ARL15: variants seen among roughly 807,000 people sequenced by gnomAD.
ARL15 encodes ADP-ribosylation factor-like protein 15.
Under a neutral mutation model 25.2 loss-of-function variants are expected in ARL15, and 19 were observed. That is an observed-to-expected ratio of 0.75 (90% CI 0.53 to 1.10). ARL15 has a LOEUF of 1.10. ARL15 is among the 50% of genes least tolerant of loss of function. The pLI is 0.00. For missense variants in ARL15, 220 were observed against 246.0 expected (o/e 0.89, Z 0.71); for synonymous variants, 94 against 86.8 (o/e 1.08, Z -0.46).
chr5:54,071,996 G>T (rs1403262729), intron 4 of ARL15, among the ~76,000 whole-genome samples: 1 of 123,062 alleles, frequency 8.1e-6, no homozygotes, highest in Non-Finnish European at 1.8e-5. Context: ...AAAAAAAAAA[G>T]AAAAAAAAAG....
chr5:53,946,177 C>T (rs1838724), intron 4 of ARL15, among the ~76,000 whole-genome samples: 39,913 of 152,008 alleles, frequency 0.26, 5,585 homozygotes, highest in African/African-American at 0.34. Context: ...TAATAGGCTG[C>T]GCACCATCGC....
At chr5:53,943,678 T>C (rs1327970780) in intron 4 of ARL15, among the ~76,000 whole-genome samples, 1 of 152,148 alleles carries the variant, frequency 6.6e-6, no homozygotes, top group Admixed American at 6.5e-5. Context: ...GAGAATGGCC[T>C]GAGTGGGTGG....
chr5:54,223,404 G>A lies in ARL15; in HGVS notation c.49-51476C>T, dbSNP rs139055283. Among the ~76,000 whole-genome samples the A allele has an allele frequency of 7.2e-3, 1,100 of 152,140 alleles. 8 individuals carry two copies. Among genetic ancestry groups the A allele is most frequent in the South Asian group, 0.015 (73 of 4,818 alleles). On this transcript the variant is annotated intron_variant, in intron 1 of 4. Coordinates refer to ENST00000504924, the MANE Select transcript of ARL15 (RefSeq NM_019087.3). ...AATTTAATGGTAGCTTTCTTGTGGC[G>A]TTTTAGAGTTCGCACACAGTAGGCT...
At chr5:53,887,033 G>A (rs746515137) in intron 4 of ARL15, among the ~76,000 whole-genome samples, 2 of 152,160 alleles carry the variant, frequency 1.3e-5, no homozygotes, top group Admixed American at 6.6e-5. Flanking sequence ...ATACATTGCA[G>A]ACACCAAAAG....
intron 4 of ARL15, among the ~76,000 whole-genome samples, chr5:54,047,527 A>G (rs745318892): frequency 6.6e-6 from 1 of 152,188 alleles, no homozygotes; most frequent in Non-Finnish European, 1.5e-5. Flanking sequence ...AACCTCAGTA[A>G]AGGACTCTGC....
intron 1 of ARL15, among the ~76,000 whole-genome samples, chr5:54,246,790 G>A (rs927509787): frequency 8.4e-6 from 1 of 118,512 alleles, no homozygotes; most frequent in Admixed American, 9.3e-5. Flanking sequence ...TATATACAAA[G>A]CATGCATACA....
At chr5:53,922,175 G>T (rs979988763) in intron 4 of ARL15, among the ~76,000 whole-genome samples, 3 of 152,154 alleles carry the variant, frequency 2.0e-5, no homozygotes, top group African/African-American at 7.2e-5. Context: ...CTTAGTTTGT[G>T]TTTCTGGTAT....
rs536642705 is a variant in ARL15 at position 54,132,224 on chromosome 5, A to C, written c.254-18814T>G. Reference sequence around the variant, plus strand: ...AAACACATACGCATGCAGGCACAGAAACAAAATATGTCTTATACTACCATA... The same window carrying C: ...AAACACATACGCATGCAGGCACAGACACAAAATATGTCTTATACTACCATA... On this transcript the variant is annotated intron_variant, in intron 3 of 4. Coordinates refer to ENST00000504924, the MANE Select transcript of ARL15 (RefSeq NM_019087.3). 3.1e-3 allele frequency among the ~76,000 whole-genome samples: 472 copies of C among 152,242 alleles called. 2 individuals carry two copies. Among genetic ancestry groups the C allele is most frequent in the Admixed American group, 8.4e-3 (129 of 15,294 alleles).
At chr5:54,261,282 T>C (rs939121726) in intron 1 of ARL15, among the ~76,000 whole-genome samples, 1 of 152,196 alleles carries the variant, frequency 6.6e-6, no homozygotes, top group Non-Finnish European at 1.5e-5. Context: ...CCACAGTTTG[T>C]TTTTAAGTGA....
At chr5:54,263,872 A>G (rs1757559182) in intron 1 of ARL15, among the ~76,000 whole-genome samples, 1 of 151,982 alleles carries the variant, frequency 6.6e-6, no homozygotes, top group African/African-American at 2.4e-5. Context: ...TTTGCTCCCC[A>G]AATTACTCCT....
intron 1 of ARL15, among the ~76,000 whole-genome samples, chr5:54,176,551 A>G (rs1321493931): frequency 6.6e-6 from 1 of 152,182 alleles, no homozygotes; most frequent in African/African-American, 2.4e-5. Context: ...TTGCATTGTT[A>G]AGAGTAAGCC....
At chr5:54,005,191 G>A (rs1462779163) in intron 4 of ARL15, among the ~76,000 whole-genome samples, 3 of 151,978 alleles carry the variant, frequency 2.0e-5, no homozygotes, top group Admixed American at 6.6e-5. Context: ...CTGAGGCTTC[G>A]TGAGGCTAAG....
chr5:53,900,417 G>C (rs915543901), intron 4 of ARL15, among the ~76,000 whole-genome samples: 3 of 152,078 alleles, frequency 2.0e-5, no homozygotes, highest in African/African-American at 7.2e-5. Context: ...AGGCTATCAA[G>C]ACTCAATGCA....
chr5:54,204,252 G>A (rs560050830), intron 1 of ARL15, among the ~76,000 whole-genome samples: 29 of 152,240 alleles, frequency 1.9e-4, no homozygotes, highest in African/African-American at 6.5e-4. Flanking sequence ...TTCCATCCAT[G>A]AAGACACATG....
chr5:53,902,902 C>T (rs911433974), intron 4 of ARL15, among the ~76,000 whole-genome samples: 7 of 152,140 alleles, frequency 4.6e-5, no homozygotes, highest in African/African-American at 1.7e-4. Context: ...AAGCTGACAG[C>T]CGCCTCAATA....
chr5:54,091,603 T>G (rs916404417), intron 4 of ARL15, among the ~76,000 whole-genome samples: 1 of 152,104 alleles, frequency 6.6e-6, no homozygotes, highest in African/African-American at 2.4e-5. Context: ...CCTGGACCAG[T>G]AAAACTCCAT....
At chr5:54,023,865 C>T (rs1327332727) in intron 4 of ARL15, among the ~76,000 whole-genome samples, 1 of 152,180 alleles carries the variant, frequency 6.6e-6, no homozygotes, top group Non-Finnish European at 1.5e-5. Context: ...GTTTTTGTCA[C>T]GAACCATCGT....
At chr5:54,195,774 C>T (rs186016040) in intron 1 of ARL15, among the ~76,000 whole-genome samples, 1 of 152,190 alleles carries the variant, frequency 6.6e-6, no homozygotes, top group Admixed American at 6.6e-5. Flanking sequence ...AGTATGCATA[C>T]AGTTATACAA....
chr5:53,918,150 A>G (rs1171820794), intron 4 of ARL15, among the ~76,000 whole-genome samples: 1 of 152,180 alleles, frequency 6.6e-6, no homozygotes, highest in African/African-American at 2.4e-5. Flanking sequence ...GAGAGAAGGA[A>G]AATATAGAAA....
Sources: allele counts gnomAD v4.1 joint callset (sites outside exome capture counted in the v4.1 genomes callset), GRCh38; gene constraint gnomAD v4.1.1; transcripts MANE v1.5; gene names NCBI Gene and HGNC (gene_info 2026-07-23, HGNC 2026-07-21).